Variants in CUBN observed in about 807,000 individuals in gnomAD.
CUBN encodes the protein cubilin, also known as 460 kDa receptor.
In CUBN, 282 loss-of-function variants were observed where a neutral mutation model predicts 405.3. The observed-to-expected ratio is 0.70, with a 90% CI of 0.63 to 0.77. CUBN has a LOEUF of 0.77. CUBN is among the 30% of genes least tolerant of loss of function. The pLI, the probability that CUBN is intolerant of heterozygous loss-of-function variation, is 0.00. For synonymous variants in CUBN, 1,684 were observed against 1,617.0 expected (o/e 1.04, Z -0.99); for missense variants, 4,514 against 4,475.2 (o/e 1.01, Z -0.25).
intron 22 of CUBN, among the ~76,000 whole-genome samples, chr10:17,050,901 G>C (rs1835250156): frequency 6.6e-6 from 1 of 152,092 alleles, no homozygotes; most frequent in Non-Finnish European, 1.5e-5. Context: ...AACCTATGCA[G>C]ATACAAAGTA....
At chr10:16,966,962 G>C (rs1707274) in intron 31 of CUBN, among the ~76,000 whole-genome samples, 52,513 of 152,076 alleles carry the variant, frequency 0.35, 9,255 homozygotes, top group Middle Eastern at 0.45. Flanking sequence ...TAATGGAATT[G>C]CCACTTTGGA....
intron 31 of CUBN, among the ~76,000 whole-genome samples, chr10:16,971,472 A>C (rs1832932849): frequency 1.3e-5 from 2 of 152,210 alleles, no homozygotes; most frequent in South Asian, 4.1e-4. Context: ...AATATATAGC[A>C]GATCTCTACC....
chr10:16,834,340 A>C (rs1028154315), intron 64 of CUBN, among the ~76,000 whole-genome samples: 1 of 150,138 alleles, frequency 6.7e-6, no homozygotes, highest in African/African-American at 2.4e-5. Flanking sequence ...CACGAGGCGC[A>C]TGGTTCTGCC....
At chr10:16,935,482 G>C (rs1481538126) in intron 39 of CUBN, among the ~76,000 whole-genome samples, 3 of 152,146 alleles carry the variant, frequency 2.0e-5, no homozygotes, top group African/African-American at 4.8e-5. Context: ...CTGGAGAGTA[G>C]AGATTGTACC....
rs376688070 is a variant in CUBN at position 16,990,349 on chromosome 10, G to A, written c.4335C>T (p.Asn1445=). The A allele has an allele frequency of 1.2e-6, 2 of 1,614,084 alleles. No individual in the cohort carries two copies. Among genetic ancestry groups the A allele is most frequent in the African/African-American group, 1.3e-5 (1 of 74,938 alleles). ...DFDVEYHSRC[N]FDVLEIYGGP... Reference sequence around the variant, plus strand: ...CACTTCCTACCTCCAAGACATCAAAGTTGCACCTTGAATGATACTCCACAT... The same window carrying A: ...CACTTCCTACCTCCAAGACATCAAAATTGCACCTTGAATGATACTCCACAT... Residue 1445 remains asparagine, a synonymous_variant, in exon 29 of 67, where the codon AAC becomes AAT. Coordinates refer to ENST00000377833, the MANE Select transcript of CUBN (RefSeq NM_001081.4).
rs199695111 is a variant in CUBN at position 16,940,168 on chromosome 10, C to T, written c.5412G>A (p.Thr1804=). 6.2e-6 allele frequency: 10 copies of T among 1,614,042 alleles called. No homozygotes were observed. The highest frequency in any genetic ancestry group is 2.2e-5 in the East Asian group (1 of 44,884). ...DFVEIREGNA[T]GHLVGRYCGN... is the part of the protein sequence containing the mutation. The stretch of plus-strand genomic sequence containing the variant: ...CACAGTATCGTCCCACCAAGTGACC[C>T]GTGGCATTTCCTTCACGGATCTCCA... The change falls in exon 37 of 67, where the codon ACG becomes ACA. Residue 1804 remains threonine (T), a synonymous_variant. Coordinates refer to ENST00000377833, the MANE Select transcript of CUBN (RefSeq NM_001081.4).
chr10:16,890,880 GGAA>G (rs1356705228), intron 54 of CUBN, among the ~76,000 whole-genome samples: 1 of 152,170 alleles, frequency 6.6e-6, no homozygotes, highest in Non-Finnish European at 1.5e-5. Flanking sequence ...GCAGCCAGGT[GGAA>G]CTCAGCCCTG....
At position 17,100,246 on chromosome 10, in the gene CUBN, A is replaced by G. The variant is rs1441991418; in HGVS notation, c.1531-7T>C. 2.0e-6 allele frequency: 3 copies of G among 1,536,962 alleles called. No homozygotes were observed. Among genetic ancestry groups the G allele is most frequent in the Non-Finnish European group, 2.7e-6 (3 of 1,110,126 alleles). On this transcript the variant is annotated splice_region_variant and splice_polypyrimidine_tract_variant and intron_variant, in intron 13 of 66. Transcript: ENST00000377833. Reference sequence around the variant, plus strand: ...TGAAAGTGATACGCAGGACCTAAAAATACAAAGGCCACATATATTATCTTT... The same window carrying G: ...TGAAAGTGATACGCAGGACCTAAAAGTACAAAGGCCACATATATTATCTTT...
At chr10:17,092,764 T>G (rs1018378993) in intron 14 of CUBN, among the ~76,000 whole-genome samples, 1 of 152,124 alleles carries the variant, frequency 6.6e-6, no homozygotes, top group African/African-American at 2.4e-5. Flanking sequence ...CCCAGAAAAC[T>G]GATGAATAAT....
At chr10:17,096,907 CATACATATTA>C (rs1390831585) in intron 14 of CUBN, among the ~76,000 whole-genome samples, 1 of 151,960 alleles carries the variant, frequency 6.6e-6, no homozygotes, top group Non-Finnish European at 1.5e-5. Context: ...CTAATGAAAA[CATACATATTA>C]AAACCTGTGG....
intron 31 of CUBN, among the ~76,000 whole-genome samples, chr10:16,973,277 A>C: frequency 6.6e-6 from 1 of 152,102 alleles, no homozygotes. Flanking sequence ...AGACTCTGCC[A>C]CTTAAATGTC....
chr10:16,889,385 T>G (rs1177752244), intron 55 of CUBN, among the ~76,000 whole-genome samples: 1 of 152,174 alleles, frequency 6.6e-6, no homozygotes, highest in African/African-American at 2.4e-5. Flanking sequence ...AACTTTTCCC[T>G]AAACAGTGGT....
chr10:17,068,567 C>T (rs763120098), intron 20 of CUBN, 38 bp downstream of exon 20: 21 of 1,530,682 alleles, frequency 1.4e-5, no homozygotes, highest in African/African-American at 2.8e-5. Context: ...CTGATACAAG[C>T]CCAAGAGGAG....
At chr10:16,831,854 G>T (rs201911134) in intron 64 of CUBN, among the ~76,000 whole-genome samples, 1 of 146,232 alleles carries the variant, frequency 6.8e-6, no homozygotes, top group African/African-American at 2.5e-5. Flanking sequence ...TTGTGTATGT[G>T]TGTGTGTGCA....
At chr10:16,971,860 C>T (rs969003384) in intron 31 of CUBN, among the ~76,000 whole-genome samples, 39 of 151,990 alleles carry the variant, frequency 2.6e-4, no homozygotes, top group African/African-American at 9.4e-4. Context: ...TGGTTACTGC[C>T]CATTTTCTCC....
At chr10:17,065,676 A>G in intron 21 of CUBN, 38 bp from the exon 22 acceptor site, 1 of 1,611,608 alleles carries the variant, frequency 6.2e-7, no homozygotes, top group Non-Finnish European at 8.5e-7. Context: ...TGTGTATTTT[A>G]GTTTGGTATA....
chr10:16,836,394 T>C lies in CUBN; in HGVS notation c.10033-12A>G, dbSNP rs564448616. 7.4e-6 allele frequency: 12 copies of C among 1,613,238 alleles called. No individual in the cohort carries two copies. Among genetic ancestry groups the C allele is most frequent in the South Asian group, 6.6e-5 (6 of 91,062 alleles). On this transcript the variant is annotated splice_polypyrimidine_tract_variant and intron_variant, in intron 62 of 66. Coordinates refer to ENST00000377833, the MANE Select transcript of CUBN (RefSeq NM_001081.4). ...GAATTTCCGTGACCCTGAAATGAAA[T>C]GGGAGCCAAATCATGTTAGATTTAG... is the stretch of plus-strand genomic sequence containing the variant.
At chr10:17,126,199 G>C (rs1489797431) in intron 4 of CUBN, among the ~76,000 whole-genome samples, 4 of 152,210 alleles carry the variant, frequency 2.6e-5, no homozygotes, top group African/African-American at 9.7e-5. Flanking sequence ...CAGCTTCCAT[G>C]AAAGTCTTTA....
intron 21 of CUBN, among the ~76,000 whole-genome samples, chr10:17,067,505 A>T (rs530310502): frequency 9.2e-5 from 14 of 152,280 alleles, no homozygotes; most frequent in Non-Finnish European, 1.9e-4. Context: ...CAGACTATCA[A>T]GAGAGTTGTA....
Sources: gnomAD v4.1 joint callset for allele counts (sites outside exome capture counted in the v4.1 genomes callset) on GRCh38, gnomAD v4.1.1 for gene constraint, MANE v1.5 for transcripts, NCBI Gene and HGNC (gene_info 2026-07-23, HGNC 2026-07-21) for gene names.